Variants in HMCN1 observed in about 807,000 individuals in gnomAD.
The protein encoded by HMCN1 is hemicentin-1.
Under a neutral mutation model 625.9 loss-of-function variants are expected in HMCN1, and 321 were observed. The ratio of observed to expected loss-of-function variants is 0.51; its 90% CI spans 0.47 to 0.56. The LOEUF (loss-of-function observed/expected upper bound fraction) is 0.56. Ranked by LOEUF, HMCN1 falls within the 20% of genes least tolerant of loss-of-function variation. The probability of loss-of-function intolerance (pLI) is 0.00; values close to 1 mark genes in which losing one functional copy is unlikely to be tolerated. For synonymous variants in HMCN1, 2,425 were observed against 2,417.6 expected (o/e 1.00, Z -0.09); for missense variants, 6,588 against 6,887.3 (o/e 0.96, Z 1.54).
chr1:185,892,600 G>A (rs1665183308), intron 4 of HMCN1, among the ~76,000 whole-genome samples: 2 of 152,102 alleles, frequency 1.3e-5, no homozygotes, highest in South Asian at 4.1e-4. Context: ...CCTGCTGGAG[G>A]GTGCCTCCCA....
intron 2 of HMCN1, among the ~76,000 whole-genome samples, chr1:185,849,868 G>A (rs908965813): frequency 3.3e-5 from 5 of 149,924 alleles, no homozygotes; most frequent in African/African-American, 9.8e-5. Context: ...CTTATACCAC[G>A]GCATTTTTTC....
chr1:185,948,389 G>A (rs973799629), intron 11 of HMCN1, among the ~76,000 whole-genome samples: 1 of 151,548 alleles, frequency 6.6e-6, no homozygotes, highest in Non-Finnish European at 1.5e-5. Context: ...TCAGCAAAGG[G>A]AGATAGGGGT....
At chr1:186,175,184 G>GCCTT (rs756879073) in intron 103 of HMCN1, among the ~76,000 whole-genome samples, 6 of 152,004 alleles carry the variant, frequency 3.9e-5, no homozygotes, top group Non-Finnish European at 7.4e-5. Flanking sequence ...AGTTATATTT[G>GCCTT]AATATGAAGG....
intron 9 of HMCN1, among the ~76,000 whole-genome samples, chr1:185,927,632 C>A (rs1367738602): frequency 6.6e-6 from 1 of 152,112 alleles, no homozygotes; most frequent in Non-Finnish European, 1.5e-5. Context: ...GGGGAGCGAT[C>A]TAGAGATATC....
chr1:185,796,880 C>G (rs1480538842), intron 1 of HMCN1, among the ~76,000 whole-genome samples: 3 of 152,314 alleles, frequency 2.0e-5, no homozygotes, highest in South Asian at 4.1e-4. Flanking sequence ...ATTGCTGGAT[C>G]AAACGGTAGA....
intron 2 of HMCN1, among the ~76,000 whole-genome samples, chr1:185,860,339 T>G (rs976525895): frequency 6.6e-6 from 1 of 152,158 alleles, no homozygotes; most frequent in South Asian, 2.1e-4. Flanking sequence ...GGCAGAATAG[T>G]CATTTTTATT....
chr1:185,787,299 C>T (rs1370037954), intron 1 of HMCN1, among the ~76,000 whole-genome samples: 1 of 152,104 alleles, frequency 6.6e-6, no homozygotes, highest in Non-Finnish European at 1.5e-5. Flanking sequence ...TTGATGGTGG[C>T]AGAGAATGCC....
chr1:186,082,655 T>C (rs1336214048), intron 56 of HMCN1, among the ~76,000 whole-genome samples: 1 of 152,104 alleles, frequency 6.6e-6, no homozygotes, highest in Non-Finnish European at 1.5e-5. Flanking sequence ...ACCACAAATA[T>C]GTATAGAATT....
At chr1:185,803,205 C>CAAAAAAAAAAAAAAAAAAAAAAAAAAGGA in intron 1 of HMCN1, among the ~76,000 whole-genome samples, 1 of 58,756 alleles carries the variant, frequency 1.7e-5, no homozygotes, top group Non-Finnish European at 4.2e-5. Context: ...AAAAAAAAAG[C>CAAAAAAAAAAAAAAAAAAAAAAAAAAGGA]AAAAAAAAAA....
chr1:185,869,996 T>G (rs1271207127), intron 4 of HMCN1, among the ~76,000 whole-genome samples: 2 of 151,666 alleles, frequency 1.3e-5, no homozygotes, highest in Non-Finnish European at 1.5e-5. Flanking sequence ...ACTCTTGAGT[T>G]AAAGTGAAGT....
intron 104 of HMCN1, among the ~76,000 whole-genome samples, chr1:186,179,230 G>A (rs1203114389): frequency 6.6e-6 from 1 of 152,086 alleles, no homozygotes; most frequent in African/African-American, 2.4e-5. Flanking sequence ...ATTGACTGTT[G>A]CTCCACAGTC....
chr1:186,054,066 T>A (rs1243073990), intron 44 of HMCN1, 80 bp downstream of exon 44: 1 of 1,346,988 alleles, frequency 7.4e-7, no homozygotes, highest in African/African-American at 1.5e-5. Context: ...TAAAAATATC[T>A]TTAATGTTCA....
intron 36 of HMCN1, among the ~76,000 whole-genome samples, chr1:186,026,341 T>C (rs1655053506): frequency 1.3e-5 from 2 of 152,198 alleles, no homozygotes; most frequent in African/African-American, 4.8e-5. Flanking sequence ...CTTGAGTATT[T>C]GAATTTGGAT....
intron 6 of HMCN1, among the ~76,000 whole-genome samples, chr1:185,919,065 AT>A (rs1445973524): frequency 6.7e-6 from 1 of 148,540 alleles, no homozygotes; most frequent in Non-Finnish European, 1.5e-5. Context: ...GGCCTCACTA[AT>A]TTTAGGACAT....
intron 105 of HMCN1, among the ~76,000 whole-genome samples, chr1:186,186,365 A>G (rs1182280055): frequency 2.6e-5 from 4 of 152,108 alleles, no homozygotes; most frequent in East Asian, 1.9e-4. Flanking sequence ...CCTCTCTACT[A>G]AAAATACAAA....
chr1:186,109,626 G>A (rs1660785752), intron 71 of HMCN1, among the ~76,000 whole-genome samples: 1 of 152,182 alleles, frequency 6.6e-6, no homozygotes, highest in Non-Finnish European at 1.5e-5. Context: ...AACAGCCCAT[G>A]GAAGCCTCTT....
rs1649709945 is a variant in HMCN1 at position 186,137,847 on chromosome 1, G to A, written c.13799G>A (p.Arg4600Lys). ...TGGAGTCTTTGGGAAGAATGCACAA[G>A]GAGCTGTGGACGCGGCAACCAAACC... is the stretch of plus-strand genomic sequence containing the variant. ...SEWSLWEECT[R>K]SCGRGNQTRT... The change falls in exon 89 of 107, where the codon AGG becomes AAG. Residue 4600 changes from arginine to lysine, a missense_variant. Arg to Lys is a conservative substitution (Grantham distance 26). Transcript: ENST00000271588. 4 of 1,614,116 alleles carry A rather than the reference G, an allele frequency of 2.5e-6. No individual in the cohort carries two copies.
chr1:186,123,322 C>T, intron 81 of HMCN1, 102 bp downstream of exon 81: 1 of 1,387,368 alleles, frequency 7.2e-7, no homozygotes, highest in Non-Finnish European at 9.9e-7. Context: ...CCCTTAAACT[C>T]AGTAATCCAA....
intron 104 of HMCN1, among the ~76,000 whole-genome samples, chr1:186,180,755 A>G (rs758253287): frequency 6.6e-6 from 1 of 152,176 alleles, no homozygotes; most frequent in Non-Finnish European, 1.5e-5. Flanking sequence ...CTAGTCCATT[A>G]CTGGATATTT....
Sources: gnomAD v4.1 joint callset for allele counts (sites outside exome capture counted in the v4.1 genomes callset) on GRCh38, gnomAD v4.1.1 for gene constraint, MANE v1.5 for transcripts, NCBI Gene and HGNC (gene_info 2026-07-23, HGNC 2026-07-21) for gene names.